The following ADAMTSL1 variants were observed in gnomAD, a reference collection of about 807,000 sequenced individuals.
ADAMTSL1 encodes ADAMTS-like protein 1.
Under a neutral mutation model 201.8 loss-of-function variants are expected in ADAMTSL1, and 126 were observed. The observed-to-expected ratio is 0.62, with a 90% CI of 0.54 to 0.72. The LOEUF (loss-of-function observed/expected upper bound fraction) is 0.72. ADAMTSL1 is among the 30% of genes least tolerant of loss of function. The probability of loss-of-function intolerance (pLI) is 0.00; values close to 1 mark genes in which losing one functional copy is unlikely to be tolerated. For synonymous variants in ADAMTSL1, 1,121 were observed against 903.4 expected (o/e 1.24, Z -4.32); for missense variants, 2,679 against 2,277.8 (o/e 1.18, Z -3.59).
intron 1 of ADAMTSL1, among the ~76,000 whole-genome samples, chr9:18,021,373 G>A (rs1156880026): frequency 6.6e-6 from 1 of 152,086 alleles, no homozygotes; most frequent in African/African-American, 2.4e-5. Flanking sequence ...AATAGGTTAA[G>A]GATTTCACAT....
At chr9:18,827,767 T>A (rs1824674868) in intron 22 of ADAMTSL1, among the ~76,000 whole-genome samples, 1 of 152,138 alleles carries the variant, frequency 6.6e-6, no homozygotes, top group African/African-American at 2.4e-5. Flanking sequence ...GCATTCCAAC[T>A]CTAATACAGT....
At chr9:17,919,688 T>A (rs753208824) in intron 1 of ADAMTSL1, among the ~76,000 whole-genome samples, 1 of 152,170 alleles carries the variant, frequency 6.6e-6, no homozygotes, top group Non-Finnish European at 1.5e-5. Flanking sequence ...TTCCATTGTA[T>A]GAATATAACA....
intron 20 of ADAMTSL1, among the ~76,000 whole-genome samples, chr9:18,814,445 T>A (rs10963780): frequency 0.066 from 10,083 of 152,266 alleles, 470 homozygotes; most frequent in Non-Finnish European, 0.1. Flanking sequence ...CAGAATGAGA[T>A]AAAATATTTG....
At chr9:18,365,542 CT>C (rs2133099612) in intron 2 of ADAMTSL1, among the ~76,000 whole-genome samples, 1 of 152,138 alleles carries the variant, frequency 6.6e-6, no homozygotes, top group Non-Finnish European at 1.5e-5. Context: ...CATATATATT[CT>C]TTGGATATAT....
At chr9:18,510,342 G>C (rs543023820) in intron 2 of ADAMTSL1, among the ~76,000 whole-genome samples, 1 of 152,304 alleles carries the variant, frequency 6.6e-6, no homozygotes, top group South Asian at 2.1e-4. Flanking sequence ...TCCTCTCTGA[G>C]TGATCTTTTG....
At chr9:18,017,196 T>TTG (rs572094466) in intron 1 of ADAMTSL1, among the ~76,000 whole-genome samples, 12 of 152,048 alleles carry the variant, frequency 7.9e-5, no homozygotes, top group Non-Finnish European at 1.3e-4. Context: ...CTTGTTCATG[T>TTG]TGTTCTTTGC....
intron 2 of ADAMTSL1, among the ~76,000 whole-genome samples, chr9:18,224,701 A>G (rs76352482): frequency 0.016 from 2,459 of 152,140 alleles, 36 homozygotes; most frequent in Non-Finnish European, 0.026. Context: ...CATTCCTCTA[A>G]TTACCTCATT....
intron 23 of ADAMTSL1, among the ~76,000 whole-genome samples, chr9:18,844,246 T>G (rs1486735476): frequency 6.6e-6 from 1 of 152,200 alleles, no homozygotes; most frequent in African/African-American, 2.4e-5. Flanking sequence ...TTAGTTTTCC[T>G]TCTAACAGAC....
rs143535985 is a variant in ADAMTSL1, at chr9:18,462,503, T to C, written c.208-42326T>C. ...ATAAATACAAATAAAATTTTTTATATAACTATGACCTTTGATAAGTTCTGT... is the reference window on the plus strand; with the variant it reads ...ATAAATACAAATAAAATTTTTTATACAACTATGACCTTTGATAAGTTCTGT... On this transcript the variant is annotated intron_variant, in intron 2 of 29. Transcript: ENST00000680146. Among the ~76,000 whole-genome samples, 49 of 152,302 alleles carry C rather than the reference T, an allele frequency of 3.2e-4. No homozygotes were observed. The East Asian group carries it at 9.3e-3, about 29-fold the overall frequency.
intron 15 of ADAMTSL1, among the ~76,000 whole-genome samples, chr9:18,738,913 C>A (rs950590575): frequency 3.3e-5 from 5 of 152,138 alleles, no homozygotes; most frequent in African/African-American, 1.2e-4. Flanking sequence ...ATGGCAGCTA[C>A]CGCATGGTAT....
chr9:17,991,480 G>C (rs1819146776), intron 1 of ADAMTSL1, among the ~76,000 whole-genome samples: 1 of 152,114 alleles, frequency 6.6e-6, no homozygotes, highest in African/African-American at 2.4e-5. Flanking sequence ...TGATGCTACT[G>C]AGATCCCAGC....
intron 2 of ADAMTSL1, among the ~76,000 whole-genome samples, chr9:18,346,498 T>C (rs185560570): frequency 6.6e-6 from 1 of 152,262 alleles, no homozygotes; most frequent in African/African-American, 2.4e-5. Flanking sequence ...CAAATCTACC[T>C]TGGAGAGTCA....
intron 1 of ADAMTSL1, chr9:18,163,731 T>G (rs1280794447): frequency 6.6e-6 from 1 of 151,968 alleles, no homozygotes; most frequent in Non-Finnish European, 1.5e-5. Flanking sequence ...TAATATGTAT[T>G]TGCGTGCATT....
chr9:18,841,521 G>A (rs908840453), intron 23 of ADAMTSL1, among the ~76,000 whole-genome samples: 18 of 152,096 alleles, frequency 1.2e-4, no homozygotes, highest in South Asian at 4.2e-4. Context: ...GTCTCTGCCC[G>A]GCTTTGGTAT....
At chr9:17,989,876 T>G (rs1170770510) in intron 1 of ADAMTSL1, among the ~76,000 whole-genome samples, 1 of 151,854 alleles carries the variant, frequency 6.6e-6, no homozygotes, top group East Asian at 1.9e-4. Flanking sequence ...CTTCAAGTAT[T>G]CTAAGGGGCA....
At chr9:18,641,033 T>C (rs948642606) in intron 7 of ADAMTSL1, among the ~76,000 whole-genome samples, 1 of 152,012 alleles carries the variant, frequency 6.6e-6, no homozygotes, top group Non-Finnish European at 1.5e-5. Flanking sequence ...TGTGCCCACC[T>C]TTCCAATCTC....
chr9:18,093,009 C>G (rs1824093776), intron 1 of ADAMTSL1, among the ~76,000 whole-genome samples: 1 of 152,014 alleles, frequency 6.6e-6, no homozygotes, highest in Admixed American at 6.6e-5. Context: ...TGCAGCTGTG[C>G]CATATTTTAA....
intron 2 of ADAMTSL1, among the ~76,000 whole-genome samples, chr9:18,391,131 G>A (rs1254091368): frequency 6.6e-6 from 1 of 152,188 alleles, no homozygotes; most frequent in Non-Finnish European, 1.5e-5. Context: ...CTTGTGCCTG[G>A]AGGAGGGAAA....
At chr9:18,367,632 A>G (rs1836829501) in intron 2 of ADAMTSL1, among the ~76,000 whole-genome samples, 1 of 152,152 alleles carries the variant, frequency 6.6e-6, no homozygotes, top group African/African-American at 2.4e-5. Context: ...TAAGCACTTT[A>G]CATATTCTAA....
Sources: gnomAD v4.1 joint callset for allele counts (sites outside exome capture counted in the v4.1 genomes callset) on GRCh38, gnomAD v4.1.1 for gene constraint, MANE v1.5 for transcripts, NCBI Gene and HGNC (gene_info 2026-07-23, HGNC 2026-07-21) for gene names.